Variants in KCNJ3 observed in about 807,000 individuals in gnomAD.
KCNJ3 encodes potassium inwardly rectifying channel subfamily J member 3, also known as G protein-activated inward rectifier potassium channel 1.
A neutral mutation model predicts 39.2 loss-of-function variants in KCNJ3; 4 were observed. The observed-to-expected ratio is 0.10, with a 90% CI of 0.05 to 0.23. The LOEUF (loss-of-function observed/expected upper bound fraction) is 0.23, where lower values mean the gene tolerates loss of function less well. Among genes scored for constraint, KCNJ3 ranks in the 10% least tolerant of loss-of-function variants. The pLI is 1.00. For missense variants in KCNJ3, 276 were observed against 634.9 expected, an observed-to-expected ratio of 0.43 and a Z score of 6.08; for synonymous variants, 230 against 237.4, an observed-to-expected ratio of 0.97 and a Z score of 0.29.
intron 2 of KCNJ3, among the ~76,000 whole-genome samples, chr2:154,779,865 C>T (rs1441176712): frequency 2.0e-5 from 3 of 151,938 alleles, no homozygotes; most frequent in African/African-American, 7.3e-5. Flanking sequence ...ATGTGCCCTA[C>T]TAGTTTAGGA....
intron 2 of KCNJ3, among the ~76,000 whole-genome samples, chr2:154,841,115 C>A (rs1434791194): frequency 6.6e-6 from 1 of 152,034 alleles, no homozygotes; most frequent in Admixed American, 6.6e-5. Flanking sequence ...TCCATCGATA[C>A]CTAGTTTATT....
At chr2:154,718,705 C>T (rs1685219725) in intron 2 of KCNJ3, among the ~76,000 whole-genome samples, 1 of 152,144 alleles carries the variant, frequency 6.6e-6, no homozygotes. Context: ...AATATTTGCA[C>T]ATACGTTATT....
chr2:154,764,594 C>G (rs577001480), intron 2 of KCNJ3, among the ~76,000 whole-genome samples: 1 of 152,262 alleles, frequency 6.6e-6, no homozygotes, highest in South Asian at 2.1e-4. Flanking sequence ...CTGCAATTTT[C>G]TACAGCCGGT....
intron 2 of KCNJ3, among the ~76,000 whole-genome samples, chr2:154,721,314 T>C (rs1685260539): frequency 6.6e-6 from 1 of 152,148 alleles, no homozygotes; most frequent in Non-Finnish European, 1.5e-5. Context: ...AGCACACTGA[T>C]CTATTGGTTT....
At chr2:154,798,227 G>T (rs1686754924) in intron 2 of KCNJ3, among the ~76,000 whole-genome samples, 1 of 148,532 alleles carries the variant, frequency 6.7e-6, no homozygotes, top group Admixed American at 6.7e-5. Context: ...CACACGCACA[G>T]AGTCTGTTCC....
chr2:154,812,454 T>A (rs1687021696), intron 2 of KCNJ3, among the ~76,000 whole-genome samples: 1 of 152,110 alleles, frequency 6.6e-6, no homozygotes, highest in African/African-American at 2.4e-5. Flanking sequence ...CTTTAAAAAA[T>A]CTCTAGCTAA....
At chr2:154,756,176 ACAGAACTTGATAC>A (rs1271976508) in intron 2 of KCNJ3, among the ~76,000 whole-genome samples, 2 of 152,250 alleles carry the variant, frequency 1.3e-5, no homozygotes, top group Non-Finnish European at 2.9e-5. Context: ...TGAATAAACT[ACAGAACTTGATAC>A]CAGTATCAAC....
At chr2:154,825,541 A>ATTATTTAT (rs141631387) in intron 2 of KCNJ3, among the ~76,000 whole-genome samples, 567 of 144,188 alleles carry the variant, frequency 3.9e-3, no homozygotes, top group East Asian at 6.6e-3. Flanking sequence ...AACTCATGAA[A>ATTATTTAT]TTATTTATTT....
chr2:154,840,080 T>A (rs1687549116), intron 2 of KCNJ3, among the ~76,000 whole-genome samples: 1 of 152,224 alleles, frequency 6.6e-6, no homozygotes, highest in South Asian at 2.1e-4. Context: ...GTCTAACATT[T>A]AAGTCTTTAA....
At chr2:154,765,813 A>G (rs927794664) in intron 2 of KCNJ3, among the ~76,000 whole-genome samples, 1 of 152,220 alleles carries the variant, frequency 6.6e-6, no homozygotes, top group Admixed American at 6.5e-5. Context: ...TCAACATTAT[A>G]GCACATTACA....
In KCNJ3 at chr2:154,798,914, G is replaced by A. The variant is rs146414417; in HGVS notation, c.920-55813G>A. On this transcript the variant is annotated intron_variant, in intron 2 of 2. Transcript: ENST00000295101. ...ATGGTGTGTGTATAGTGTGTGTGAT[G>A]TGTATGTGCATGCCGTGTGTGTGTG... is the stretch of plus-strand genomic sequence containing the variant. Among the ~76,000 whole-genome samples, 442 of 151,902 alleles carry A rather than the reference G, an allele frequency of 2.9e-3. 4 individuals carry two copies. The highest frequency in any genetic ancestry group is 0.01 in the African/African-American group (428 of 41,440).
intron 2 of KCNJ3, among the ~76,000 whole-genome samples, chr2:154,833,872 AT>A (rs138056231): frequency 2.4e-4 from 37 of 151,294 alleles, no homozygotes; most frequent in Middle Eastern, 3.4e-3. Context: ...TTAATAGTGT[AT>A]TTTTTTTTAT....
chr2:154,796,547 T>C (rs1686723384), intron 2 of KCNJ3, among the ~76,000 whole-genome samples: 2 of 152,150 alleles, frequency 1.3e-5, no homozygotes, highest in African/African-American at 2.4e-5. Context: ...TTGTATCAAA[T>C]GCAGGCAAAG....
intron 2 of KCNJ3, among the ~76,000 whole-genome samples, chr2:154,825,875 G>GT (rs1343997724): frequency 0.15 from 20,636 of 134,342 alleles, 1,755 homozygotes; most frequent in East Asian, 0.38. Context: ...CACTGCACCT[G>GT]TTTTTTTTTT....
chr2:154,775,370 T>G (rs1359386254), intron 2 of KCNJ3, among the ~76,000 whole-genome samples: 1 of 152,232 alleles, frequency 6.6e-6, no homozygotes, highest in East Asian at 1.9e-4. Flanking sequence ...TATTACGCTA[T>G]TCTGGAATCA....
rs527685912 is a variant in KCNJ3 at position 154,786,435 on chromosome 2, G to A, written c.920-68292G>A. Among the ~76,000 whole-genome samples, 33 of 152,198 alleles carry A rather than the reference G, an allele frequency of 2.2e-4. No individual in the cohort carries two copies. The South Asian group carries it at 6.0e-3, about 28-fold the overall frequency. On this transcript the variant is annotated intron_variant, in intron 2 of 2. Transcript: ENST00000295101. ...CTGAAGGATGAGACAATAGACATAC[G>A]AAATGTATTTCAGGATCAATGATGC...
chr2:154,789,574 A>C (rs1686591098), intron 2 of KCNJ3, among the ~76,000 whole-genome samples: 1 of 152,108 alleles, frequency 6.6e-6, no homozygotes, highest in African/African-American at 2.4e-5. Context: ...TTAGCTTATT[A>C]AAACAGAAGC....
At position 154,705,076 on chromosome 2, in the gene KCNJ3, T is replaced by G. The variant is rs114625451; in HGVS notation, c.703-4527T>G. The stretch of plus-strand genomic sequence containing the variant: ...GCATGGATCAAACTTTAGAATATGA[T>G]AGAGGTAAATCTATAGTGTAGGACA... On this transcript the variant is annotated intron_variant, in intron 1 of 2. Coordinates refer to ENST00000295101, the MANE Select transcript of KCNJ3 (RefSeq NM_002239.4). 4.4e-3 allele frequency among the ~76,000 whole-genome samples: 672 copies of G among 152,288 alleles called. 5 individuals are homozygous for G. The highest frequency in any genetic ancestry group is 0.02 in the South Asian group (98 of 4,826).
At chr2:154,822,693 A>G (rs1459088235) in intron 2 of KCNJ3, among the ~76,000 whole-genome samples, 1 of 152,082 alleles carries the variant, frequency 6.6e-6, no homozygotes, top group Admixed American at 6.6e-5. Context: ...ACATTAATTA[A>G]TATGCTAATT....
Sources: gnomAD v4.1 joint callset for allele counts (sites outside exome capture counted in the v4.1 genomes callset) on GRCh38, gnomAD v4.1.1 for gene constraint, MANE v1.5 for transcripts, NCBI Gene and HGNC (gene_info 2026-07-23, HGNC 2026-07-21) for gene names.